The following JARID2 variants were observed in gnomAD, a reference collection of about 807,000 sequenced individuals.
The protein encoded by JARID2 is protein Jumonji.
In JARID2, 21 loss-of-function variants were observed where a neutral mutation model predicts 125.6. That is an observed-to-expected ratio of 0.17 (90% CI 0.12 to 0.24). JARID2 has a LOEUF of 0.24. Among genes scored for constraint, JARID2 ranks in the 10% least tolerant of loss-of-function variants. JARID2 has a pLI of 1.00. For missense variants in JARID2, 1,303 were observed against 1,639.6 expected, an observed-to-expected ratio of 0.79 and a Z score of 3.55; for synonymous variants, 736 against 661.6, an observed-to-expected ratio of 1.11 and a Z score of -1.73.
At chr6:15,433,187 A>T (rs1767041230) in intron 3 of JARID2, among the ~76,000 whole-genome samples, 1 of 152,182 alleles carries the variant, frequency 6.6e-6, no homozygotes, top group African/African-American at 2.4e-5. Flanking sequence ...GTAAGTGAAC[A>T]GTGATTATGT....
intron 6 of JARID2, among the ~76,000 whole-genome samples, chr6:15,491,710 T>G (rs1269120505): frequency 7.9e-5 from 12 of 152,196 alleles, no homozygotes; most frequent in Non-Finnish European, 1.5e-5. Flanking sequence ...GCCTTGGAAG[T>G]GCATGTTTCT....
intron 5 of JARID2, among the ~76,000 whole-genome samples, chr6:15,469,515 C>G (rs1768966442): frequency 6.7e-6 from 1 of 150,074 alleles, no homozygotes; most frequent in African/African-American, 2.5e-5. Context: ...TCACTGCCAG[C>G]TCTACCTCCC....
intron 1 of JARID2, among the ~76,000 whole-genome samples, chr6:15,336,802 C>A (rs1327515938): frequency 6.6e-6 from 1 of 152,044 alleles, no homozygotes; most frequent in Non-Finnish European, 1.5e-5. Context: ...CCCACCTTGG[C>A]CTCCCAAGGT....
intron 4 of JARID2, among the ~76,000 whole-genome samples, chr6:15,453,500 G>T (rs1224861339): frequency 6.6e-6 from 1 of 152,202 alleles, no homozygotes; most frequent in Non-Finnish European, 1.5e-5. Context: ...TTCCACACTC[G>T]TGTTCATGCT....
At chr6:15,291,334 C>G (rs1761205197) in intron 1 of JARID2, among the ~76,000 whole-genome samples, 1 of 152,206 alleles carries the variant, frequency 6.6e-6, no homozygotes, top group Non-Finnish European at 1.5e-5. Context: ...TGCTCCTTTA[C>G]TCATCTTCCT....
intron 8 of JARID2, among the ~76,000 whole-genome samples, chr6:15,503,895 A>T (rs1458798470): frequency 2.0e-5 from 3 of 151,830 alleles, no homozygotes; most frequent in Non-Finnish European, 4.4e-5. Flanking sequence ...TATTGGGAAC[A>T]GGGCAACAGA....
intron 5 of JARID2, among the ~76,000 whole-genome samples, chr6:15,476,035 T>G (rs1034455954): frequency 6.6e-6 from 1 of 152,216 alleles, no homozygotes; most frequent in African/African-American, 2.4e-5. Flanking sequence ...TTATCAGATT[T>G]GTGCTTTTCC....
At chr6:15,420,643 A>C (rs1262468061) in intron 3 of JARID2, among the ~76,000 whole-genome samples, 1 of 152,178 alleles carries the variant, frequency 6.6e-6, no homozygotes, top group African/African-American at 2.4e-5. Context: ...GACAGACACT[A>C]AATTTTTCTC....
In JARID2 at chr6:15,440,141, C is replaced by T. The variant is rs901410351; in HGVS notation, c.324-11865C>T. 8.5e-5 allele frequency among the ~76,000 whole-genome samples: 13 copies of T among 152,328 alleles called. No individual in the cohort carries two copies. In the South Asian group the frequency reaches 1.5e-3, roughly 17 times the overall value. Reference sequence around the variant, plus strand: ...CCTTTGAGGGTTCATTTAAGCCGTACGCAATTAGATGAACATGTATGTCCT... The same window carrying T: ...CCTTTGAGGGTTCATTTAAGCCGTATGCAATTAGATGAACATGTATGTCCT... On this transcript the variant is annotated intron_variant, in intron 3 of 17. Coordinates refer to ENST00000341776, the MANE Select transcript of JARID2 (RefSeq NM_004973.4).
intron 3 of JARID2, among the ~76,000 whole-genome samples, chr6:15,435,995 C>A (rs2127608257): frequency 6.6e-6 from 1 of 152,180 alleles, no homozygotes; most frequent in African/African-American, 2.4e-5. Flanking sequence ...TTCTTCAGTG[C>A]CCCGCTGCTC....
chr6:15,517,146 T>C lies in JARID2; in HGVS notation c.3451-15T>C, dbSNP rs1169508486. On this transcript the variant is annotated splice_polypyrimidine_tract_variant and intron_variant, in intron 16 of 17. Transcript: ENST00000341776. ...GCTGCCTCCTGACCTTCGGGTGTCCTGCTCTTGCTTGCAGGTGGTACAAGA... is the reference window on the plus strand; with the variant it reads ...GCTGCCTCCTGACCTTCGGGTGTCCCGCTCTTGCTTGCAGGTGGTACAAGA... The C allele has an allele frequency of 2.5e-6, 4 of 1,600,880 alleles. No individual in the cohort carries two copies. The highest frequency in any genetic ancestry group is 2.2e-5 in the East Asian group (1 of 44,808).
At chr6:15,461,945 A>G (rs976984288) in intron 4 of JARID2, among the ~76,000 whole-genome samples, 2 of 151,698 alleles carry the variant, frequency 1.3e-5, no homozygotes, top group African/African-American at 4.8e-5. Context: ...GCATGATTGG[A>G]TAGGCACCTC....
In JARID2 at chr6:15,248,911, G is replaced by A. The variant is rs1036683651; in HGVS notation, c.45+2327G>A. 58 of 985,644 alleles carry A rather than the reference G, an allele frequency of 5.9e-5. 1 individual carries two copies. Among genetic ancestry groups the A allele is most frequent in the Non-Finnish European group, 6.1e-5 (51 of 830,152 alleles). 61.1% of individuals were successfully genotyped at this position (985,644 alleles called of 1,614,324 possible). ...CTGCGGCGTGGGAGGAGGAAGAGGA[G>A]GAAGATGCGCTCGGCCTCTGCCTTC... On this transcript the variant is annotated intron_variant, in intron 1 of 17. Transcript: ENST00000341776.
intron 1 of JARID2, among the ~76,000 whole-genome samples, chr6:15,294,874 G>C (rs1210411832): frequency 1.3e-5 from 2 of 152,190 alleles, no homozygotes; most frequent in Admixed American, 1.3e-4. Context: ...GGGAACTTGG[G>C]ACAGAGCAGG....
At chr6:15,472,358 A>G (rs1769118148) in intron 5 of JARID2, among the ~76,000 whole-genome samples, 1 of 152,162 alleles carries the variant, frequency 6.6e-6, no homozygotes, top group Non-Finnish European at 1.5e-5. Flanking sequence ...GAGCTTAGTA[A>G]GGGGACTAAC....
intron 3 of JARID2, among the ~76,000 whole-genome samples, chr6:15,428,573 AT>A: frequency 6.6e-6 from 1 of 152,214 alleles, no homozygotes; most frequent in East Asian, 1.9e-4. Context: ...TTCCAGCTTC[AT>A]CCATGTCCCT....
At chr6:15,368,242 TTTTG>T (rs1379401330) in intron 1 of JARID2, among the ~76,000 whole-genome samples, 2 of 152,170 alleles carry the variant, frequency 1.3e-5, no homozygotes, top group Non-Finnish European at 2.9e-5. Context: ...TTTTGATGTT[TTTTG>T]TTTTTTTGTC....
chr6:15,375,302 T>C (rs577760420), intron 2 of JARID2, among the ~76,000 whole-genome samples: 5 of 152,296 alleles, frequency 3.3e-5, no homozygotes, highest in Non-Finnish European at 7.3e-5. Flanking sequence ...AGTTGTGCTG[T>C]CTCCTTCCAC....
At chr6:15,502,471 C>T (rs549557031) in intron 8 of JARID2, among the ~76,000 whole-genome samples, 2 of 152,232 alleles carry the variant, frequency 1.3e-5, no homozygotes, top group Non-Finnish European at 2.9e-5. Context: ...TAGTGGGTTT[C>T]GGCAGCATTG....
Sources: gnomAD v4.1 joint callset for allele counts (sites outside exome capture counted in the v4.1 genomes callset) on GRCh38, gnomAD v4.1.1 for gene constraint, MANE v1.5 for transcripts, NCBI Gene and HGNC (gene_info 2026-07-23, HGNC 2026-07-21) for gene names.